Variants in CDH18 observed in about 807,000 individuals in gnomAD.
The protein encoded by CDH18 is cadherin 18, also known as cadherin-18.
In CDH18, 31 loss-of-function variants were observed where a neutral mutation model predicts 67.9. That is an observed-to-expected ratio of 0.46 (90% CI 0.34 to 0.62). CDH18 has a LOEUF of 0.62. Among genes scored for constraint, CDH18 ranks in the 20% least tolerant of loss-of-function variants. CDH18 has a pLI of 0.01. For missense variants in CDH18, 890 were observed against 975.5 expected (o/e 0.91, Z 1.17); for synonymous variants, 362 against 347.2 (o/e 1.04, Z -0.48).
intron 1 of CDH18, among the ~76,000 whole-genome samples, chr5:20,322,284 TATTA>T (rs1176934801): frequency 2.3e-4 from 35 of 152,282 alleles, no homozygotes; most frequent in African/African-American, 8.4e-4. Context: ...TTCATAATGA[TATTA>T]ATTATTATTA....
intron 4 of CDH18, among the ~76,000 whole-genome samples, chr5:19,723,619 T>G (rs999433904): frequency 6.6e-6 from 1 of 152,200 alleles, no homozygotes; most frequent in Non-Finnish European, 1.5e-5. Context: ...TCATACACTG[T>G]GGATAGAAAT....
chr5:20,087,447 C>G (rs926134773), intron 2 of CDH18, among the ~76,000 whole-genome samples: 1 of 150,726 alleles, frequency 6.6e-6, no homozygotes, highest in Non-Finnish European at 1.5e-5. Context: ...TGTCATTAAA[C>G]AGTATTCCAC....
intron 2 of CDH18, among the ~76,000 whole-genome samples, chr5:19,929,144 A>G (rs917972487): frequency 6.9e-6 from 1 of 144,260 alleles, no homozygotes; most frequent in African/African-American, 2.9e-5. Context: ...GTTTTATATG[A>G]TCAATGGAAA....
chr5:19,934,782 T>C (rs1478095783), intron 2 of CDH18, among the ~76,000 whole-genome samples: 1 of 151,368 alleles, frequency 6.6e-6, no homozygotes, highest in Non-Finnish European at 1.5e-5. Flanking sequence ...TGGATTTCAT[T>C]TTATTAATAA....
intron 1 of CDH18, among the ~76,000 whole-genome samples, chr5:20,572,397 T>C (rs1758867637): frequency 6.6e-6 from 1 of 151,496 alleles, no homozygotes; most frequent in African/African-American, 2.4e-5. Context: ...TTATATTTCT[T>C]ATGATGCTGT....
chr5:20,386,112 A>G (rs1202978200), intron 1 of CDH18, among the ~76,000 whole-genome samples: 2 of 152,176 alleles, frequency 1.3e-5, no homozygotes, highest in Non-Finnish European at 2.9e-5. Context: ...ATTCATCCTC[A>G]AGGAAGGAAA....
Position 20,170,697 on chromosome 5 carries a change from T to C in CDH18, c.-518+84747A>G, listed in dbSNP as rs555284256. The stretch of plus-strand genomic sequence containing the variant: ...TAGGAGAACAAAATTTTGGTGGTTG[T>C]TGTTTTCCTTAAACTTTCATTTTAG... On this transcript the variant is annotated intron_variant, in intron 2 of 14. Transcript: ENST00000507958. Among the ~76,000 whole-genome samples the C allele has an allele frequency of 1.6e-4, 25 of 152,256 alleles. No individual in the cohort carries two copies. In the South Asian group the frequency reaches 5.2e-3, roughly 32 times the overall value.
At chr5:20,323,665 T>C (rs1738252386) in intron 1 of CDH18, among the ~76,000 whole-genome samples, 1 of 152,210 alleles carries the variant, frequency 6.6e-6, no homozygotes, top group African/African-American at 2.4e-5. Context: ...TTTTCTCAAA[T>C]TCCAGTAAAA....
Position 19,747,003 on chromosome 5 carries a change from G to A in CDH18, c.462C>T (p.Asp154=), listed in dbSNP as rs947461448. 5.0e-6 allele frequency: 8 copies of A among 1,614,072 alleles called. No individual in the cohort carries two copies. Among genetic ancestry groups the A allele is most frequent in the Non-Finnish European group, 5.9e-6 (7 of 1,179,980 alleles). ...EFIIKVQDIN[D]NAPKFTDGPY... ...GTCCATCTGTGAATTTTGGAGCGTT[G>A]TCATTGATGTCTTGCACTTTGATGA... Residue 154 remains aspartate (D), a synonymous_variant, in exon 4 of 13, where the codon GAC becomes GAT. Coordinates refer to ENST00000382275, the MANE Select transcript of CDH18 (RefSeq NM_004934.5).
chr5:19,902,489 C>G (rs1445000475), intron 2 of CDH18, among the ~76,000 whole-genome samples: 1 of 152,160 alleles, frequency 6.6e-6, no homozygotes, highest in Non-Finnish European at 1.5e-5. Context: ...AGTCTGCAAG[C>G]AGTGAGTTAA....
chr5:20,087,629 G>A (rs1262927217), intron 2 of CDH18, among the ~76,000 whole-genome samples: 2 of 152,126 alleles, frequency 1.3e-5, no homozygotes, highest in South Asian at 2.1e-4. Context: ...ATTACAACTG[G>A]CTAAAGGCTC....
intron 7 of CDH18, among the ~76,000 whole-genome samples, chr5:19,590,832 G>T (rs139005636): frequency 1.6e-4 from 24 of 152,214 alleles, no homozygotes; most frequent in African/African-American, 5.8e-4. Context: ...GAGAAACATT[G>T]TTAGTGTAGT....
chr5:20,539,371 A>C (rs1476539532), intron 1 of CDH18, among the ~76,000 whole-genome samples: 1 of 152,116 alleles, frequency 6.6e-6, no homozygotes, highest in Non-Finnish European at 1.5e-5. Context: ...TTCAGCCTCA[A>C]GATTACTGGT....
intron 1 of CDH18, among the ~76,000 whole-genome samples, chr5:20,355,969 C>T (rs1357755171): frequency 6.6e-6 from 1 of 152,160 alleles, no homozygotes; most frequent in Non-Finnish European, 1.5e-5. Flanking sequence ...AAATAAACTT[C>T]CTACCCTAAA....
chr5:19,972,887 T>C (rs1798160426), intron 2 of CDH18, among the ~76,000 whole-genome samples: 2 of 151,994 alleles, frequency 1.3e-5, no homozygotes, highest in South Asian at 2.1e-4. Context: ...TAGTAGTAAA[T>C]AGTAAATACA....
intron 10 of CDH18, among the ~76,000 whole-genome samples, chr5:19,511,463 G>T (rs944131838): frequency 6.6e-6 from 1 of 152,230 alleles, no homozygotes; most frequent in South Asian, 2.1e-4. Flanking sequence ...GACGTGGGAA[G>T]GTTTGGAACT....
At chr5:19,881,775 G>C (rs959299682) in intron 2 of CDH18, among the ~76,000 whole-genome samples, 1 of 151,978 alleles carries the variant, frequency 6.6e-6, no homozygotes, top group African/African-American at 2.4e-5. Flanking sequence ...CAAAGTGCTG[G>C]GGTTACAGGC....
intron 3 of CDH18, among the ~76,000 whole-genome samples, chr5:19,802,852 A>T (rs62355766): frequency 0.066 from 10,001 of 152,276 alleles, 370 homozygotes; most frequent in Middle Eastern, 0.085. Flanking sequence ...AAGAACAAAG[A>T]AGTAGCAGCA....
chr5:19,675,515 A>C (rs1275299793), intron 5 of CDH18, among the ~76,000 whole-genome samples: 1 of 152,110 alleles, frequency 6.6e-6, no homozygotes, highest in Non-Finnish European at 1.5e-5. Context: ...AGAATTCAGC[A>C]ATATTTTTCC....
Sources: gnomAD v4.1 joint callset for allele counts (sites outside exome capture counted in the v4.1 genomes callset) on GRCh38, gnomAD v4.1.1 for gene constraint, MANE v1.5 for transcripts, NCBI Gene and HGNC (gene_info 2026-07-23, HGNC 2026-07-21) for gene names.